Variants in P2RY14 observed in about 807,000 individuals in gnomAD.
P2RY14 encodes the protein purinergic receptor P2Y14, also known as P2Y purinoceptor 14.
A neutral mutation model predicts 0.9 loss-of-function variants in P2RY14; 2 were observed. That is an observed-to-expected ratio of 2.16 (90% CI 0.88 to 6.79). The LOEUF is 6.79. Among genes scored for constraint, P2RY14 ranks in the 30% most tolerant of loss-of-function variants. The pLI, the probability that P2RY14 is intolerant of heterozygous loss-of-function variation, is 0.05. For missense variants in P2RY14, 378 were observed against 400.1 expected, an observed-to-expected ratio of 0.94 and a Z score of 0.47; for synonymous variants, 158 against 147.2, an observed-to-expected ratio of 1.07 and a Z score of -0.53.
chr3:151,277,004 C>T (rs1741979689), intron 1 of P2RY14, among the ~76,000 whole-genome samples: 1 of 152,192 alleles, frequency 6.6e-6, no homozygotes, highest in African/African-American at 2.4e-5. Flanking sequence ...TCAAGCGATT[C>T]TCCTGCCTCA....
At chr3:151,274,442 G>A (rs1358738637) in intron 1 of P2RY14, among the ~76,000 whole-genome samples, 1 of 152,146 alleles carries the variant, frequency 6.6e-6, no homozygotes, top group African/African-American at 2.4e-5. Context: ...TATTTATAGT[G>A]GGGAAAGAGG....
chr3:151,276,290 T>C (rs958881255), intron 1 of P2RY14, among the ~76,000 whole-genome samples: 18 of 152,244 alleles, frequency 1.2e-4, no homozygotes, highest in Non-Finnish European at 2.1e-4. Context: ...TGATGTTGAT[T>C]CAGCTGGTAT....
intron 1 of P2RY14, among the ~76,000 whole-genome samples, chr3:151,233,658 G>T (rs1031152988): frequency 6.6e-6 from 1 of 152,178 alleles, no homozygotes; most frequent in Non-Finnish European, 1.5e-5. Flanking sequence ...ACTTGAACCC[G>T]GGAGGCGGAG....
intron 1 of P2RY14, among the ~76,000 whole-genome samples, chr3:151,243,952 G>A (rs1734793646): frequency 6.8e-6 from 1 of 147,196 alleles, no homozygotes; most frequent in Non-Finnish European, 1.5e-5. Context: ...ACAAAAAAAG[G>A]CAGGGGTTGC....
intron 1 of P2RY14, among the ~76,000 whole-genome samples, chr3:151,254,509 T>G (rs116691357): frequency 0.012 from 1,817 of 152,340 alleles, 26 homozygotes; most frequent in Non-Finnish European, 0.019. Flanking sequence ...TTGAGATATG[T>G]AAACATGCTA....
intron 1 of P2RY14, among the ~76,000 whole-genome samples, chr3:151,250,010 G>A (rs1489214600): frequency 6.6e-6 from 1 of 152,066 alleles, no homozygotes; most frequent in Non-Finnish European, 1.5e-5. Flanking sequence ...ATAAAATAAA[G>A]CGAAAACCCT....
intron 1 of P2RY14, among the ~76,000 whole-genome samples, chr3:151,262,087 T>C (rs1422394012): frequency 6.6e-6 from 1 of 152,202 alleles, no homozygotes; most frequent in Non-Finnish European, 1.5e-5. Flanking sequence ...AAACTACTAT[T>C]TTTTAATAGC....
At chr3:151,244,059 A>G (rs1489459706) in intron 1 of P2RY14, among the ~76,000 whole-genome samples, 2 of 112,626 alleles carry the variant, frequency 1.8e-5, no homozygotes, top group Admixed American at 9.6e-5. Flanking sequence ...TTCAACAAGA[A>G]GAGCTAACTC....
At chr3:151,257,490 T>A (rs1173074547) in intron 1 of P2RY14, among the ~76,000 whole-genome samples, 3 of 152,278 alleles carry the variant, frequency 2.0e-5, no homozygotes, top group African/African-American at 7.2e-5. Flanking sequence ...CTCTCTGTGC[T>A]TCAGCACCCT....
chr3:151,276,146 G>C (rs1412267992), intron 1 of P2RY14, among the ~76,000 whole-genome samples: 1 of 152,226 alleles, frequency 6.6e-6, no homozygotes, highest in Non-Finnish European at 1.5e-5. Flanking sequence ...CCCAGGACAT[G>C]GGGTCACCCA....
intron 1 of P2RY14, among the ~76,000 whole-genome samples, chr3:151,247,761 TAAAAAAAAAAAGC>T (rs1735943641): frequency 2.1e-5 from 3 of 144,164 alleles, no homozygotes; most frequent in African/African-American, 5.2e-5. Flanking sequence ...TAATGTATAA[TAAAAAAAAAAAGC>T]AAAAAAAAAA....
intron 1 of P2RY14, among the ~76,000 whole-genome samples, chr3:151,246,342 G>A (rs2149416575): frequency 6.6e-6 from 1 of 152,124 alleles, no homozygotes; most frequent in East Asian, 1.9e-4. Context: ...AACAAAGCTG[G>A]AGGCATCACG....
chr3:151,217,636 C>G (rs1728501131), intron 2 of P2RY14, among the ~76,000 whole-genome samples: 2 of 152,224 alleles, frequency 1.3e-5, no homozygotes. Context: ...TTGGGTGCCT[C>G]TGCTACCCTG....
chr3:151,261,929 G>A (rs564229411), intron 1 of P2RY14, among the ~76,000 whole-genome samples: 6 of 152,034 alleles, frequency 3.9e-5, no homozygotes, highest in African/African-American at 9.7e-5. Context: ...GTTTCACCAC[G>A]TTGGCCAGGC....
chr3:151,276,528 G>T (rs1220877695), intron 1 of P2RY14, among the ~76,000 whole-genome samples: 1 of 152,178 alleles, frequency 6.6e-6, no homozygotes, highest in African/African-American at 2.4e-5. Flanking sequence ...ACACTGGGAG[G>T]TTGAAACAGC....
chr3:151,231,715 A>T (rs1577050925), intron 1 of P2RY14, among the ~76,000 whole-genome samples: 2 of 152,192 alleles, frequency 1.3e-5, no homozygotes, highest in East Asian at 3.8e-4. Flanking sequence ...TAGCCATACA[A>T]ATTGTTTTGA....
chr3:151,274,500 G>A (rs574073640), intron 1 of P2RY14, among the ~76,000 whole-genome samples: 1 of 152,324 alleles, frequency 6.6e-6, no homozygotes, highest in South Asian at 2.1e-4. Flanking sequence ...TTGGGGGCCA[G>A]GAGAGAAAGA....
chr3:151,232,819 G>A (rs1369527929), intron 1 of P2RY14, among the ~76,000 whole-genome samples: 1 of 152,128 alleles, frequency 6.6e-6, no homozygotes, highest in Non-Finnish European at 1.5e-5. Flanking sequence ...GGAGCAGAAA[G>A]ATAACTATTG....
intron 1 of P2RY14, among the ~76,000 whole-genome samples, chr3:151,277,100 C>T (rs6796501): frequency 0.36 from 55,174 of 151,618 alleles, 10,569 homozygotes; most frequent in African/African-American, 0.48. Flanking sequence ...GGTTTTACCA[C>T]GTTGGCCAGG....
Sources: allele counts gnomAD v4.1 joint callset (sites outside exome capture counted in the v4.1 genomes callset), GRCh38; gene constraint gnomAD v4.1.1; transcripts MANE v1.5; gene names NCBI Gene and HGNC (gene_info 2026-07-23, HGNC 2026-07-21).